Variants in DPPA2 observed in about 807,000 individuals in gnomAD.
DPPA2 encodes developmental pluripotency associated 2.
In DPPA2, 26 loss-of-function variants were observed where a neutral mutation model predicts 36.2. The observed-to-expected ratio is 0.72, with a 90% CI of 0.53 to 1.00. The LOEUF is 1.00. DPPA2 is among the 50% of genes least tolerant of loss of function. The probability of loss-of-function intolerance (pLI) is 0.00; values close to 1 mark genes in which losing one functional copy is unlikely to be tolerated. For synonymous variants in DPPA2, 113 were observed against 123.2 expected (o/e 0.92, Z 0.55); for missense variants, 361 against 365.1 (o/e 0.99, Z 0.09).
intron 2 of DPPA2, 73 bp downstream of exon 2, chr3:109,314,437 A>T: frequency 1.4e-6 from 2 of 1,454,624 alleles, no homozygotes; most frequent in African/African-American, 2.8e-5. Context: ...GGTAAAAGAG[A>T]AACATAAGGG....
At chr3:109,307,140 C>T (rs969685107) in intron 6 of DPPA2, among the ~76,000 whole-genome samples, 3 of 151,570 alleles carry the variant, frequency 2.0e-5, no homozygotes, top group African/African-American at 7.3e-5. Flanking sequence ...GGCTTTTTTT[C>T]GTATTTTTTG....
At chr3:109,295,562 A>C (rs1707338647) in intron 8 of DPPA2, 3 of 145,756 alleles carry the variant, frequency 2.1e-5, no homozygotes, top group African/African-American at 2.4e-5. Context: ...TTTCTTTTAT[A>C]CAATACAAGT....
intron 7 of DPPA2, among the ~76,000 whole-genome samples, chr3:109,301,158 A>T (rs12632199): frequency 0.99 from 148,418 of 150,502 alleles, 73,212 homozygotes; most frequent in East Asian, 1. Flanking sequence ...TAATTTTTTT[A>T]TATAGAGACA....
At chr3:109,305,860 C>T (rs1355631921) in intron 6 of DPPA2, among the ~76,000 whole-genome samples, 2 of 150,958 alleles carry the variant, frequency 1.3e-5, no homozygotes, top group Non-Finnish European at 2.9e-5. Flanking sequence ...TCTTATGGAA[C>T]GTCTGAAATT....
At chr3:109,309,470 G>A (rs2930079) in intron 3 of DPPA2, 140 bp from the exon 4 acceptor site, 30,684 of 786,546 alleles carry the variant, frequency 0.039, 1,655 homozygotes, top group African/African-American at 0.22. Flanking sequence ...GGCAGATCAC[G>A]AGGTCAGGAG....
intron 7 of DPPA2, among the ~76,000 whole-genome samples, chr3:109,303,160 C>T (rs1707487576): frequency 6.6e-6 from 1 of 152,036 alleles, no homozygotes; most frequent in Admixed American, 6.6e-5. Flanking sequence ...AAGTCCTAAC[C>T]TCAGATGATC....
At chr3:109,316,068 C>T (rs1169705686) in intron 1 of DPPA2, among the ~76,000 whole-genome samples, 2 of 151,408 alleles carry the variant, frequency 1.3e-5, no homozygotes, top group Admixed American at 1.3e-4. Flanking sequence ...GTAATTTTTT[C>T]TTTTTTTCTT....
chr3:109,314,510 C>T lies in DPPA2; in HGVS notation c.33G>A (p.Lys11=). 2 of 1,609,732 alleles carry T rather than the reference C, an allele frequency of 1.2e-6. No individual in the cohort carries two copies. Residue 11 remains lysine, a splice_region_variant and synonymous_variant, in exon 2 of 9, where the codon AAG becomes AAA. Coordinates refer to ENST00000478945, the MANE Select transcript of DPPA2 (RefSeq NM_138815.4). ...GTAATTCTATTAGAATGAAACTTAC[C>T]TTCTTGCTGCTATCCAAATTTGCAT... The part of the protein sequence containing the change: MSDANLDSSK[K]NFLEGEVDDE...
At chr3:109,314,829 CA>C (rs761678167) in intron 1 of DPPA2, among the ~76,000 whole-genome samples, 52 of 152,148 alleles carry the variant, frequency 3.4e-4, no homozygotes, top group East Asian at 9.7e-4. Flanking sequence ...TTGGGAGGCC[CA>C]GGGGGGGCGG....
intron 1 of DPPA2, among the ~76,000 whole-genome samples, chr3:109,315,735 T>C (rs1707774867): frequency 6.6e-6 from 1 of 152,116 alleles, no homozygotes. Context: ...ATTCAAAATA[T>C]TGTCTGGACC....
chr3:109,306,692 G>A (rs2699956), intron 6 of DPPA2, among the ~76,000 whole-genome samples: 39,264 of 151,196 alleles, frequency 0.26, 5,377 homozygotes, highest in Middle Eastern at 0.3. Flanking sequence ...GGCCCCAGGC[G>A]CGGTAGCTCA....
chr3:109,310,400 T>A (rs1707682292), intron 3 of DPPA2, among the ~76,000 whole-genome samples: 3 of 89,256 alleles, frequency 3.4e-5, no homozygotes, highest in East Asian at 3.1e-4. Flanking sequence ...ACAGTGAGAC[T>A]CTGTCTCAAA....
chr3:109,314,697 T>G (rs111837639), intron 1 of DPPA2, 142 bp from the exon 2 acceptor site: 4 of 658,378 alleles, frequency 6.1e-6, no homozygotes, highest in African/African-American at 3.6e-5. Context: ...CTTTTTGCCC[T>G]CCCTCATTTT....
intron 3 of DPPA2, among the ~76,000 whole-genome samples, chr3:109,310,150 C>T (rs1422610271): frequency 1.3e-5 from 2 of 150,940 alleles, no homozygotes; most frequent in Non-Finnish European, 1.5e-5. Flanking sequence ...ATCGCTTGAA[C>T]CTGGGAGGCG....
At chr3:109,299,351 T>C (rs1213012230) in intron 8 of DPPA2, among the ~76,000 whole-genome samples, 1 of 151,644 alleles carries the variant, frequency 6.6e-6, no homozygotes, top group African/African-American at 2.4e-5. Context: ...TTTCTACTAA[T>C]ACAAAAAAAT....
In DPPA2 at chr3:109,293,985, G is replaced by GT. The variant is rs1213567982; in HGVS notation, c.*41dup. ...TCGTAATAGGTTACATGATCTGAAAGTACATCCCTCCTTTAGTACCTAGAA... is the reference window on the plus strand; with the variant it reads ...TCGTAATAGGTTACATGATCTGAAAGTTACATCCCTCCTTTAGTACCTAGAA... On this transcript the variant is annotated 3_prime_UTR_variant, in exon 9 of 9. Transcript: ENST00000478945. 6.6e-6 allele frequency: 1 copy of GT among 152,172 alleles called. No homozygotes were observed. Among genetic ancestry groups the GT allele is most frequent in the African/African-American group, 2.4e-5 (1 of 41,450 alleles). The allele number at this position is 152,172 out of a possible 1,614,324, so 9.4% of individuals were successfully genotyped here.
chr3:109,305,855 T>A (rs1707553289), intron 6 of DPPA2, among the ~76,000 whole-genome samples: 1 of 151,548 alleles, frequency 6.6e-6, no homozygotes, highest in South Asian at 2.1e-4. Context: ...AGTACTCTTA[T>A]GGAACGTCTG....
intron 7 of DPPA2, among the ~76,000 whole-genome samples, chr3:109,303,887 A>G (rs1707502193): frequency 3.3e-5 from 5 of 151,888 alleles, no homozygotes; most frequent in Admixed American, 2.6e-4. Context: ...CCTTAATACC[A>G]GTACTTTGGG....
chr3:109,306,741 G>A (rs2107312775), intron 6 of DPPA2, among the ~76,000 whole-genome samples: 1 of 151,670 alleles, frequency 6.6e-6, no homozygotes, highest in Middle Eastern at 3.4e-3. Flanking sequence ...CAAGGCAGGT[G>A]GATCACCTGA....
Sources: gnomAD v4.1 joint callset for allele counts (sites outside exome capture counted in the v4.1 genomes callset) on GRCh38, gnomAD v4.1.1 for gene constraint, MANE v1.5 for transcripts, NCBI Gene and HGNC (gene_info 2026-07-23, HGNC 2026-07-21) for gene names.